The following NCOR2 variants were observed in gnomAD, a reference collection of about 807,000 sequenced individuals.
The protein encoded by NCOR2 is nuclear receptor corepressor 2.
In NCOR2, 81 loss-of-function variants were observed where a neutral mutation model predicts 262.9. That is an observed-to-expected ratio of 0.31 (90% CI 0.26 to 0.37). The LOEUF is 0.37. Ranked by LOEUF, NCOR2 falls within the 10% of genes least tolerant of loss-of-function variation. The pLI, the probability that NCOR2 is intolerant of heterozygous loss-of-function variation, is 1.00. For missense variants in NCOR2, 3,385 were observed against 3,621.4 expected (o/e 0.93, Z 1.68); for synonymous variants, 1,659 against 1,559.3 (o/e 1.06, Z -1.51).
rs2049842944 is a variant in NCOR2, at chr12:124,517,022, A to AACC, written c.-118+18540_-118+18542dup. 6.6e-6 allele frequency among the ~76,000 whole-genome samples: 1 copy of AACC among 152,002 alleles called. No individual in the cohort carries two copies. Among genetic ancestry groups the AACC allele is most frequent in the African/African-American group, 2.4e-5 (1 of 41,390 alleles). ...AAGGTCACACAGCCAGGAAGTGTCC[A>AACC]ACCAGGACAGGAACCCAGGCAGTCT... is the stretch of plus-strand genomic sequence containing the variant. On this transcript the variant is annotated intron_variant, in intron 1 of 46. Coordinates refer to the NCOR2 transcript ENST00000404621. The surrounding 1 kb of genome is among the most constrained non-coding windows in gnomAD (Gnocchi z 7.6).
In NCOR2 at chr12:124,378,309, C is replaced by G. The variant is rs771023965; in HGVS notation, c.2095G>C (p.Val699Leu). The G allele has an allele frequency of 6.2e-7, 1 of 1,614,028 alleles. No homozygotes were observed. The highest frequency in any genetic ancestry group is 8.5e-7 in the Non-Finnish European group (1 of 1,179,912). ...GCCTCCATCTCCTCATCCTCCACCA[C>G]GGGCGGGAATGCAGCCTCCTCGCTG... Residue 699 changes from valine to leucine, a missense_variant, in exon 18 of 47, where the codon GTG becomes CTG. Around this residue, in one of 5 missense-constraint regions of NCOR2, gnomAD observed 515 missense variants for 781.2 expected, o/e 0.66. Transcript: ENST00000405201. The surrounding 1 kb of genome is among the most constrained non-coding windows in gnomAD (Gnocchi z 4.2).
intron 22 of NCOR2, among the ~76,000 whole-genome samples, chr12:124,357,175 G>T (rs1458707866): frequency 1.3e-5 from 2 of 152,190 alleles, no homozygotes; most frequent in African/African-American, 4.8e-5. Context: ...TTGAGACAGG[G>T]TCTCCTTCTG....
In NCOR2 at chr12:124,327,383, G is replaced by A. The variant is rs928538792; in HGVS notation, c.7183+26C>T. The A allele has an allele frequency of 8.4e-6, 13 of 1,556,838 alleles. No individual in the cohort carries two copies. The Admixed American group carries it at 1.7e-4, about 21-fold the overall frequency. ...TCACACCGGGGGTGGGGACAGACGG[G>A]GGCGGGGCGGGGGTGGCCTGCAGAC... On this transcript the variant is annotated intron_variant, in intron 45 of 46. Transcript: ENST00000405201.
chr12:124,563,932 C>T (rs1228666833), intron 1 of NCOR2, among the ~76,000 whole-genome samples: 1 of 152,242 alleles, frequency 6.6e-6, no homozygotes, highest in Non-Finnish European at 1.5e-5. Context: ...AATCCCAGGT[C>T]TTAATTCGTA....
intron 1 of NCOR2, among the ~76,000 whole-genome samples, chr12:124,507,126 C>T (rs1170784279): frequency 2.6e-5 from 4 of 152,148 alleles, no homozygotes; most frequent in Admixed American, 1.3e-4. Context: ...CGATTCCACT[C>T]GTAGGAGGTG....
intron 2 of NCOR2, among the ~76,000 whole-genome samples, chr12:124,485,864 G>A (rs1373496457): frequency 2.0e-5 from 3 of 152,168 alleles, no homozygotes; most frequent in African/African-American, 4.8e-5. Flanking sequence ...GAGAAAGAAC[G>A]TGGCCTACCG....
Position 124,495,158 on chromosome 12 carries a change from G to A in NCOR2, c.94C>T (p.Arg32Trp), listed in dbSNP as rs1460050325. The A allele has an allele frequency of 1.1e-5, 17 of 1,613,746 alleles. No individual in the cohort carries two copies. The highest frequency in any genetic ancestry group is 3.3e-5 in the Admixed American group (2 of 59,970). Residue 32 changes from arginine to tryptophan, a missense_variant, in exon 1 of 47, where the codon CGG becomes TGG. Coordinates refer to ENST00000405201, the Ensembl canonical transcript of NCOR2. The surrounding 1 kb of genome is among the most constrained non-coding windows in gnomAD (Gnocchi z 4.4). Reference sequence around the variant, plus strand: ...GTGCACCCCCTTACCGTGTGCGTCCGGGCGATCTGCACTGGGTAGGAAAGG... The same window carrying A: ...GTGCACCCCCTTACCGTGTGCGTCCAGGCGATCTGCACTGGGTAGGAAAGG...
chr12:124,515,941 G>A (rs2049738639), intron 1 of NCOR2, among the ~76,000 whole-genome samples: 1 of 152,192 alleles, frequency 6.6e-6, no homozygotes, highest in Non-Finnish European at 1.5e-5. Context: ...TTCTCCACCG[G>A]GTAGGAAAAT....
In NCOR2 at chr12:124,523,648, A is replaced by AAC. The variant is rs1042400255; in HGVS notation, c.-118+11916_-118+11917insGT. On this transcript the variant is annotated intron_variant, in intron 1 of 46. Transcript: ENST00000404621. The surrounding 1 kb of genome is among the most constrained non-coding windows in gnomAD (Gnocchi z 4.0). ...ATAGCTGATGAACTAAAAAAAAAAA[A>AAC]AACAAAAAACCGAAAAACAATCTGT... 8.6e-5 allele frequency among the ~76,000 whole-genome samples: 13 copies of AAC among 151,898 alleles called. No individual in the cohort carries two copies. In the South Asian group the frequency reaches 1.0e-3, roughly 12 times the overall value.
intron 28 of NCOR2, among the ~76,000 whole-genome samples, chr12:124,350,379 A>C (rs1247299596): frequency 6.6e-6 from 1 of 152,180 alleles, no homozygotes. Flanking sequence ...TTTGTTTTCT[A>C]AACTGTAAAG....
rs916639091 is a variant in NCOR2 at position 124,566,325 on chromosome 12, A to T, written c.-165+983T>A. Among the ~76,000 whole-genome samples the T allele has an allele frequency of 6.6e-6, 1 of 152,104 alleles. No individual in the cohort carries two copies. ...GGAGCGCGCGACAGGCGGCGGGAGGACACTCGCTTCCAAAAAAATAAACCT... is the reference window on the plus strand; with the variant it reads ...GGAGCGCGCGACAGGCGGCGGGAGGTCACTCGCTTCCAAAAAAATAAACCT... On this transcript the variant is annotated intron_variant, in intron 1 of 32. Coordinates refer to the NCOR2 transcript ENST00000458234. This position sits in a 1 kb window ranked among gnomAD's most constrained non-coding sequence, Gnocchi z 4.3.
chr12:124,437,815 A>C, intron 8 of NCOR2, 115 bp downstream of exon 10: 3 of 834,042 alleles, frequency 3.6e-6, no homozygotes, highest in Non-Finnish European at 5.2e-6. Flanking sequence ...CAGCCTGGAC[A>C]CTCAGGGAGG....
At chr12:124,368,378 C>T (rs2039209672) in intron 20 of NCOR2, among the ~76,000 whole-genome samples, 1 of 152,178 alleles carries the variant, frequency 6.6e-6, no homozygotes, top group Non-Finnish European at 1.5e-5. Flanking sequence ...CCTCAGTTTC[C>T]CCATGGTCAT....
chr12:124,429,042 C>A (rs1187474122), intron 10 of NCOR2, among the ~76,000 whole-genome samples: 1 of 152,184 alleles, frequency 6.6e-6, no homozygotes, highest in East Asian at 1.9e-4. Flanking sequence ...CTAGGCTGAC[C>A]CCAGGGTGTC....
chr12:124,557,803 G>T (rs1272952598), intron 1 of NCOR2, among the ~76,000 whole-genome samples: 1 of 152,094 alleles, frequency 6.6e-6, no homozygotes, highest in African/African-American at 2.4e-5. Flanking sequence ...ACCCAGCAGT[G>T]GGCATCACCC....
At chr12:124,560,650 C>G (rs977791017) in intron 1 of NCOR2, among the ~76,000 whole-genome samples, 1 of 152,126 alleles carries the variant, frequency 6.6e-6, no homozygotes, top group Non-Finnish European at 1.5e-5. Context: ...TTAAAGGGAA[C>G]GCACACATAC....
At chr12:124,477,584 G>A (rs2047173268) in intron 3 of NCOR2, among the ~76,000 whole-genome samples, 1 of 152,126 alleles carries the variant, frequency 6.6e-6, no homozygotes. Context: ...TGTCCTACAA[G>A]CCAACGAGCT....
intron 24 of NCOR2, 64 bp from the exon 27 acceptor site, chr12:124,355,003 C>T: frequency 3.6e-6 from 5 of 1,389,272 alleles, no homozygotes; most frequent in Non-Finnish European, 5.0e-6. Context: ...TCCAGAGTGC[C>T]TGACGCTCCT....
intron 13 of NCOR2, among the ~76,000 whole-genome samples, chr12:124,414,966 GC>G (rs929971942): frequency 4.6e-4 from 70 of 152,284 alleles, no homozygotes; most frequent in African/African-American, 1.5e-3. Context: ...GGCCTGAGCT[GC>G]CAGGATAGGT....
Sources: allele counts gnomAD v4.1 joint callset (sites outside exome capture counted in the v4.1 genomes callset), GRCh38; gene constraint gnomAD v4.1.1; regional missense constraint gnomAD v4.1.1; non-coding constraint Gnocchi (gnomAD v3.1); transcripts MANE v1.5; gene names NCBI Gene and HGNC (gene_info 2026-07-23, HGNC 2026-07-21).